Variants in NXN observed in about 807,000 individuals in gnomAD.
NXN encodes the protein nucleoredoxin.
In NXN, 16 loss-of-function variants were observed where a neutral mutation model predicts 48.6. The observed-to-expected ratio is 0.33, with a 90% confidence interval of 0.22 to 0.50. The LOEUF is 0.50. NXN is among the 20% of genes least tolerant of loss of function. NXN has a pLI of 0.98. For missense variants in NXN, 492 were observed against 605.5 expected (o/e 0.81, Z 1.97); for synonymous variants, 281 against 269.6 (o/e 1.04, Z -0.41).
chr17:954,666 C>G (rs1245223751), intron 1 of NXN, among the ~76,000 whole-genome samples: 1 of 152,226 alleles, frequency 6.6e-6, no homozygotes, highest in Non-Finnish European at 1.5e-5. Flanking sequence ...TCCCTCAACA[C>G]CACTCGGGAA....
intron 6 of NXN, among the ~76,000 whole-genome samples, chr17:804,628 G>A (rs545360028): frequency 1.3e-5 from 2 of 152,292 alleles, no homozygotes; most frequent in Admixed American, 6.5e-5. Flanking sequence ...GATGGGAGAC[G>A]GGGAGGTGCA....
intron 1 of NXN, among the ~76,000 whole-genome samples, chr17:836,407 C>T (rs1177148912): frequency 6.6e-6 from 1 of 152,208 alleles, no homozygotes; most frequent in African/African-American, 2.4e-5. Flanking sequence ...TGCCCTCCAG[C>T]CAAATGCCGA....
rs1182636709 is a variant in NXN at position 823,695 on chromosome 17, C to T, written c.549G>A (p.Gly183=). 3 of 1,614,136 alleles carry T rather than the reference C, an allele frequency of 1.9e-6. No individual in the cohort carries two copies. The highest frequency in any genetic ancestry group is 1.7e-5 in the Admixed American group (1 of 60,006). ...VIAGPLLRNN[G]QSLESSSLEG... is the part of the protein sequence containing the mutation. ...CCAGGCTGCTGCTCTCCAGAGACTGCCCATTGTTTCTAAGCAAGGGCCCTG... is the reference window on the plus strand; with the variant it reads ...CCAGGCTGCTGCTCTCCAGAGACTGTCCATTGTTTCTAAGCAAGGGCCCTG... The change falls in exon 3 of 8, where the codon GGG becomes GGA. Residue 183 remains glycine, a synonymous_variant. Transcript: ENST00000336868.
chr17:832,557 G>A (rs16956023), intron 1 of NXN, among the ~76,000 whole-genome samples: 1,982 of 152,174 alleles, frequency 0.013, 49 homozygotes, highest in African/African-American at 0.045. Flanking sequence ...TAAATGCTCA[G>A]GAGAAACGCC....
In NXN at chr17:806,142, G is replaced by C. The variant is rs377219769; in HGVS notation, c.821-895C>G. ...CGCCGTCTGCACCCCAGCCCTCCCC[G>C]CTCCCCAGGGCTGCAGCCCCCGCCG... On this transcript the variant is annotated intron_variant, in intron 5 of 7. Transcript: ENST00000336868. Among the ~76,000 whole-genome samples, 605 of 85,292 alleles carry C rather than the reference G, an allele frequency of 7.1e-3. 1 individual carries two copies. The highest frequency in any genetic ancestry group is 0.024 in the African/African-American group (549 of 23,032). 56.0% of individuals were successfully genotyped at this position (85,292 alleles called of 152,430 possible).
intron 1 of NXN, among the ~76,000 whole-genome samples, chr17:916,043 C>T (rs1268689672): frequency 1.3e-5 from 2 of 152,188 alleles, no homozygotes; most frequent in African/African-American, 2.4e-5. Flanking sequence ...CTCTTAAGAG[C>T]GCCTGTCTGG....
In NXN at chr17:810,755, AGC is replaced by A. The variant is rs1232733615; in HGVS notation, c.821-5510_821-5509del. On this transcript the variant is annotated intron_variant, in intron 5 of 7. Transcript: ENST00000336868. ...AAATACAAAATTAGCTGGGCGTGGTAGCGCACCCCTGTACTCCCAGCTACTCA... is the reference window on the plus strand; with the variant it reads ...AAATACAAAATTAGCTGGGCGTGGTAGCACCCCTGTACTCCCAGCTACTCA... Among the ~76,000 whole-genome samples the A allele has an allele frequency of 5.3e-5, 8 of 152,210 alleles. No individual in the cohort carries two copies. In the South Asian group the frequency reaches 1.0e-3, roughly 20 times the overall value.
At chr17:808,363 C>T (rs564474730) in intron 5 of NXN, among the ~76,000 whole-genome samples, 99 of 149,020 alleles carry the variant, frequency 6.6e-4, no homozygotes, top group Non-Finnish European at 1.1e-3. Context: ...AGTGCAGTGG[C>T]GCGATCTCGG....
At chr17:876,249 GAAGAA>G (rs572383467) in intron 1 of NXN, among the ~76,000 whole-genome samples, 1,825 of 150,176 alleles carry the variant, frequency 0.012, 32 homozygotes, top group African/African-American at 0.042. Context: ...GAAGAGAAGA[GAAGAA>G]AAGAAAAGAA....
intron 1 of NXN, among the ~76,000 whole-genome samples, chr17:837,503 G>A (rs1007258419): frequency 6.6e-6 from 1 of 152,230 alleles, no homozygotes; most frequent in African/African-American, 2.4e-5. Context: ...GGAAGGGAGA[G>A]AGGAATCACC....
chr17:839,809 A>AAAAAAAAAAAAAAAAAAAAAAAAAC (rs1914039062), intron 1 of NXN, among the ~76,000 whole-genome samples: 1 of 143,568 alleles, frequency 7.0e-6, no homozygotes, highest in Non-Finnish European at 1.5e-5. Context: ...AAAAAAAAAA[A>AAAAAAAAAAAAAAAAAAAAAAAAAC]AAAAAGGCCA....
chr17:942,537 C>CAA (rs1209819035), intron 1 of NXN, among the ~76,000 whole-genome samples: 10 of 34,620 alleles, frequency 2.9e-4, no homozygotes, highest in South Asian at 1.9e-3. Flanking sequence ...GAACTCACAT[C>CAA]ACACCTTCCT....
intron 5 of NXN, among the ~76,000 whole-genome samples, chr17:806,165 CCG>C (rs1485926685): frequency 7.8e-6 from 1 of 128,128 alleles, no homozygotes; most frequent in Non-Finnish European, 1.7e-5. Flanking sequence ...GCAGCCCCCG[CCG>C]TCTGCACCCC....
At chr17:945,634 A>C (rs2069035152) in intron 1 of NXN, among the ~76,000 whole-genome samples, 1 of 151,872 alleles carries the variant, frequency 6.6e-6, no homozygotes, top group African/African-American at 2.4e-5. Context: ...GTCTCAAAAA[A>C]AAAAAAAAAA....
chr17:942,275 A>T (rs1759400003), intron 1 of NXN, among the ~76,000 whole-genome samples: 1 of 118,192 alleles, frequency 8.5e-6, no homozygotes, highest in Non-Finnish European at 1.8e-5. Context: ...ATTTACAGTG[A>T]ACAAGATTCC....
intron 1 of NXN, among the ~76,000 whole-genome samples, chr17:933,569 C>A (rs1393767766): frequency 6.6e-6 from 1 of 151,910 alleles, no homozygotes; most frequent in African/African-American, 2.4e-5. Context: ...CAGGACTCTG[C>A]GTGAATGCCA....
rs889245588 is a variant in NXN at position 920,816 on chromosome 17, G to A, written c.360+58503C>T. On this transcript the variant is annotated intron_variant, in intron 1 of 7. Coordinates refer to ENST00000336868, the MANE Select transcript of NXN (RefSeq NM_022463.5). This position sits in a 1 kb window ranked among gnomAD's most constrained non-coding sequence, Gnocchi z 4.6. ...CGGCTCGCTGCAACCTCTGCCTCCC[G>A]GGTTCAAGCGATTCTCTTGCCTCAA... Among the ~76,000 whole-genome samples, 11 of 151,170 alleles carry A rather than the reference G, an allele frequency of 7.3e-5. No homozygotes were observed. Among genetic ancestry groups the A allele is most frequent in the Non-Finnish European group, 1.2e-4 (8 of 67,846 alleles).
chr17:911,318 T>C (rs2068633341), intron 1 of NXN: 1 of 150,834 alleles, frequency 6.6e-6, no homozygotes, highest in African/African-American at 2.4e-5. Context: ...AGTCTGTTTC[T>C]CCATTAATGC....
chr17:863,803 A>G, intron 1 of NXN: 1 of 696,242 alleles, frequency 1.4e-6, no homozygotes, highest in Non-Finnish European at 2.4e-6. Flanking sequence ...AAAAAAGTCC[A>G]CATACAAATG....
Sources: gnomAD v4.1 joint callset for allele counts (sites outside exome capture counted in the v4.1 genomes callset) on GRCh38, gnomAD v4.1.1 for gene constraint, Gnocchi (gnomAD v3.1) non-coding constraint, MANE v1.5 for transcripts, NCBI Gene and HGNC (gene_info 2026-07-23, HGNC 2026-07-21) for gene names.